RANGAP1: variants seen among roughly 807,000 people sequenced by gnomAD.
The protein encoded by RANGAP1 is ran GTPase-activating protein 1.
RANGAP1 carries 38 observed loss-of-function variants against 63.5 expected under a neutral mutation model. The observed-to-expected ratio is 0.60, with a 90% CI of 0.46 to 0.78. The LOEUF (loss-of-function observed/expected upper bound fraction) is 0.78, where lower values mean the gene tolerates loss of function less well. Among genes scored for constraint, RANGAP1 ranks in the 30% least tolerant of loss-of-function variants. The pLI is 0.00. For synonymous variants in RANGAP1, 329 were observed against 310.5 expected, an observed-to-expected ratio of 1.06 and a Z score of -0.63; for missense variants, 630 against 740.3, an observed-to-expected ratio of 0.85 and a Z score of 1.73.
chr22:41,245,133 G>A lies in RANGAP1; in HGVS notation c.*1470C>T, dbSNP rs1453613386. Among the ~76,000 whole-genome samples the A allele has an allele frequency of 6.6e-6, 1 of 152,198 alleles. No homozygotes were observed. The highest frequency in any genetic ancestry group is 1.5e-5 in the Non-Finnish European group (1 of 68,028). The stretch of plus-strand genomic sequence containing the variant: ...AACTCACACAGAAGACAGGGGACAG[G>A]GCCAGCAGTATCCTCTGCCACCTGG... On this transcript the variant is annotated 3_prime_UTR_variant, in exon 16 of 16. Coordinates refer to ENST00000356244, the MANE Select transcript of RANGAP1 (RefSeq NM_002883.4).
intron 1 of RANGAP1, among the ~76,000 whole-genome samples, chr22:41,283,737 A>G (rs1159038558): frequency 6.6e-6 from 1 of 152,200 alleles, no homozygotes; most frequent in Non-Finnish European, 1.5e-5. Flanking sequence ...GAGGAAAAAA[A>G]CAAGGTAAGA....
At chr22:41,281,122 T>C in intron 1 of RANGAP1, 40 bp from the exon 2 acceptor site, 4 of 1,498,020 alleles carry the variant, frequency 2.7e-6, no homozygotes, top group Non-Finnish European at 3.5e-6. Context: ...AGGAGTCTCC[T>C]GGGGCCCCTG....
At chr22:41,284,030 C>T (rs983309971) in intron 1 of RANGAP1, among the ~76,000 whole-genome samples, 3 of 151,550 alleles carry the variant, frequency 2.0e-5, no homozygotes, top group African/African-American at 7.3e-5. Flanking sequence ...GGGCGGATCA[C>T]GAGGTCAGGA....
At chr22:41,301,420 G>C in the RANGAP1 span, 1 of 152,160 alleles carries the variant, frequency 6.6e-6, no homozygotes, top group Non-Finnish European at 1.5e-5. Flanking sequence ...TCGCCCCCAC[G>C]CCCCCCGCCC....
intron 8 of RANGAP1, 67 bp downstream of exon 8, chr22:41,256,644 C>T: frequency 1.4e-6 from 2 of 1,418,810 alleles, no homozygotes. Context: ...GACCAGACCC[C>T]TGTGCCCCCA....
At chr22:41,285,616 G>C (rs1250928769) in intron 1 of RANGAP1, 1 of 985,324 alleles carries the variant, frequency 1.0e-6, no homozygotes, top group Non-Finnish European at 1.2e-6. Context: ...GGCTCTGCGG[G>C]AGCGACGCGC....
intron 2 of RANGAP1, chr22:41,277,370 G>A (rs1379701231): frequency 1.8e-5 from 16 of 890,354 alleles, no homozygotes; most frequent in Non-Finnish European, 2.3e-5. Context: ...GAGCCACCGC[G>A]CCCGGCCGAA....
chr22:41,253,835 G>A (rs894146217), intron 11 of RANGAP1, among the ~76,000 whole-genome samples: 4 of 152,134 alleles, frequency 2.6e-5, no homozygotes, highest in Non-Finnish European at 4.4e-5. Flanking sequence ...GGCTGGGCCC[G>A]GTGGCTCAAT....
chr22:41,276,450 C>T (rs1489934146), intron 2 of RANGAP1, among the ~76,000 whole-genome samples: 1 of 151,736 alleles, frequency 6.6e-6, no homozygotes, highest in Non-Finnish European at 1.5e-5. Flanking sequence ...CCAGCCTGTC[C>T]AATATGATGA....
At chr22:41,265,057 C>T (rs1241336082) in intron 4 of RANGAP1, among the ~76,000 whole-genome samples, 4 of 152,152 alleles carry the variant, frequency 2.6e-5, no homozygotes, top group Non-Finnish European at 5.9e-5. Context: ...TGGAGTGGCC[C>T]GGGAAGGCTC....
At position 41,249,416 on chromosome 22, in the gene RANGAP1, G is replaced by A. The variant is rs200026606; in HGVS notation, c.1608C>T (p.Tyr536=). Residue 536 remains tyrosine, a synonymous_variant, in exon 15 of 16, where the codon TAC becomes TAT. Transcript: ENST00000356244. Reference sequence around the variant, plus strand: ...TGTGGTTCAGCGCCATCAGGGGGCCGTACAGGTTGGCAATGGCCTTGACCT... The same window carrying A: ...TGTGGTTCAGCGCCATCAGGGGGCCATACAGGTTGGCAATGGCCTTGACCT... ...EDKVKAIANL[Y]GPLMALNHMV... The A allele has an allele frequency of 9.9e-6, 16 of 1,614,024 alleles. No individual in the cohort carries two copies. In the African/African-American group the frequency reaches 1.3e-4, roughly 13 times the overall value.
intron 3 of RANGAP1, among the ~76,000 whole-genome samples, chr22:41,271,824 A>G (rs373127076): frequency 3.3e-5 from 5 of 152,214 alleles, no homozygotes; most frequent in South Asian, 2.1e-4. Context: ...CTGCAGCAGC[A>G]GAGAGAACCC....
At chr22:41,246,902 C>A (rs1312841988) in intron 15 of RANGAP1, among the ~76,000 whole-genome samples, 1 of 152,208 alleles carries the variant, frequency 6.6e-6, no homozygotes, top group Non-Finnish European at 1.5e-5. Flanking sequence ...AATGAAGGCC[C>A]CCTCAGCCAG....
intron 6 of RANGAP1, among the ~76,000 whole-genome samples, chr22:41,258,629 G>A (rs902184693): frequency 1.3e-5 from 2 of 152,102 alleles, no homozygotes; most frequent in Admixed American, 6.6e-5. Context: ...CATTCTCTCT[G>A]CCTCCTTATT....
In RANGAP1 at chr22:41,244,876, T is replaced by C. The variant is rs921421552; in HGVS notation, c.*1727A>G. On this transcript the variant is annotated 3_prime_UTR_variant, in exon 16 of 16. Transcript: ENST00000356244. ...ACTCTCCATTTCCAGAACATCTTCA[T>C]CATCCCAGAGAATCTGTTTGCAGCC... Among the ~76,000 whole-genome samples, 2 of 152,192 alleles carry C rather than the reference T, an allele frequency of 1.3e-5. No homozygotes were observed. Among genetic ancestry groups the C allele is most frequent in the African/African-American group, 4.8e-5 (2 of 41,440 alleles).
At chr22:41,276,496 G>T (rs150836797) in intron 2 of RANGAP1, among the ~76,000 whole-genome samples, 3 of 151,900 alleles carry the variant, frequency 2.0e-5, no homozygotes, top group Admixed American at 2.0e-4. Flanking sequence ...AAAATTAGCC[G>T]GGTGTGGTGG....
Position 41,251,056 on chromosome 22 carries a change from A to G in RANGAP1, c.1434T>C (p.Ser478=). The change falls in exon 13 of 16, where the codon TCT becomes TCC. Residue 478 remains serine (S), a synonymous_variant. Coordinates refer to ENST00000356244, the MANE Select transcript of RANGAP1 (RefSeq NM_002883.4). ...TCACAGTAGCTTCGTCCTTGAACAC[A>G]GATGACACCTTTAGGAAGGCAGAGA... ...KVVSAFLKVS[S]VFKDEATVRM... The G allele has an allele frequency of 1.2e-6, 2 of 1,614,174 alleles. No individual in the cohort carries two copies. The highest frequency in any genetic ancestry group is 2.2e-5 in the East Asian group (1 of 44,886).
chr22:41,254,485 CTCGTCA>C lies in RANGAP1; in HGVS notation c.1077_1082del (p.Asp359_Asp360del). 2 of 1,590,950 alleles carry C rather than the reference CTCGTCA, an allele frequency of 1.3e-6. No homozygotes were observed. The highest frequency in any genetic ancestry group is 1.7e-6 in the Non-Finnish European group (2 of 1,172,638). ...CTCCTTCCTCCTCCTCCTCCTCGTC[CTCGTCA>C]TCACTGCAGAAAGAGCTGGCTGAAG... is the stretch of plus-strand genomic sequence containing the variant. On this transcript the variant is annotated inframe_deletion, in exon 11 of 16. Coordinates refer to ENST00000356244, the MANE Select transcript of RANGAP1 (RefSeq NM_002883.4).
chr22:41,299,993 C>T, the RANGAP1 span, among the ~76,000 whole-genome samples: 4 of 151,738 alleles, frequency 2.6e-5, no homozygotes, highest in Non-Finnish European at 4.4e-5. Context: ...CCTCATGATC[C>T]GCCCGCCTCA....
Sources: gnomAD v4.1 joint callset for allele counts (sites outside exome capture counted in the v4.1 genomes callset) on GRCh38, gnomAD v4.1.1 for gene constraint, MANE v1.5 for transcripts, NCBI Gene and HGNC (gene_info 2026-07-23, HGNC 2026-07-21) for gene names.